The following CASKIN1 variants were observed in gnomAD, a reference collection of about 807,000 sequenced individuals.
The protein encoded by CASKIN1 is caskin-1.
Under a neutral mutation model 117.5 loss-of-function variants are expected in CASKIN1, and 42 were observed. The ratio of observed to expected loss-of-function variants is 0.36; its 90% CI spans 0.28 to 0.46. The LOEUF (loss-of-function observed/expected upper bound fraction) is 0.46, where lower values mean the gene tolerates loss of function less well. Among genes scored for constraint, CASKIN1 ranks in the 20% least tolerant of loss-of-function variants. CASKIN1 has a pLI of 1.00. For missense variants in CASKIN1, 2,083 were observed against 2,077.3 expected (o/e 1.00, Z -0.05); for synonymous variants, 1,148 against 961.7 (o/e 1.19, Z -3.59).
At chr16:2,194,753 A>C (rs559304440) in intron 1 of CASKIN1, among the ~76,000 whole-genome samples, 19 of 152,148 alleles carry the variant, frequency 1.2e-4, no homozygotes, top group African/African-American at 4.6e-4. Flanking sequence ...ACAGGCAGAG[A>C]CCCAGGTGAG....
chr16:2,180,116 C>G lies in CASKIN1; in HGVS notation c.3252G>C (p.Ser1084=). The stretch of plus-strand genomic sequence containing the variant: ...CCTCCACAAAGGGGCCTGGGTCTGC[C>G]GACTCCCCAGGCCCCCGGCGGGCAG... The part of the protein sequence containing the change: ...LATARRGPGE[S]ADPGPFVEDG... Residue 1084 remains serine, a synonymous_variant, in exon 18 of 20, where the codon TCG becomes TCC. Coordinates refer to ENST00000343516, the MANE Select transcript of CASKIN1 (RefSeq NM_020764.4). 1 of 1,553,236 alleles carries G rather than the reference C, an allele frequency of 6.4e-7. No homozygotes were observed.
intron 1 of CASKIN1, among the ~76,000 whole-genome samples, chr16:2,195,982 C>A (rs1267712302): frequency 6.7e-6 from 1 of 150,094 alleles, no homozygotes; most frequent in Non-Finnish European, 1.5e-5. Context: ...GTGGGGGGGG[C>A]ATCCGCCTCG....
At chr16:2,194,534 G>A (rs564850853) in intron 1 of CASKIN1, among the ~76,000 whole-genome samples, 1 of 152,276 alleles carries the variant, frequency 6.6e-6, no homozygotes, top group East Asian at 1.9e-4. Context: ...GGAGGATACT[G>A]CTGGACACCC....
chr16:2,178,366 G>A lies in CASKIN1; in HGVS notation c.*184C>T, dbSNP rs553465573. 4.1e-5 allele frequency: 19 copies of A among 465,948 alleles called. No homozygotes were observed. Among genetic ancestry groups the A allele is most frequent in the African/African-American group, 6.3e-5 (3 of 47,264 alleles). 28.9% of individuals were successfully genotyped at this position (465,948 alleles called of 1,614,324 possible). On this transcript the variant is annotated 3_prime_UTR_variant, in exon 20 of 20. Coordinates refer to ENST00000343516, the MANE Select transcript of CASKIN1 (RefSeq NM_020764.4). ...CCCGCGGGCGCAGGGTCTGCCTAGA[G>A]CCCTTGGAGCCCCCGGCCAGGCGGT...
chr16:2,181,069 G>T lies in CASKIN1; in HGVS notation c.2299C>A (p.Leu767Ile). ...GTGAAGTGGCTAGTGCCTGGTGGGA[G>T]GACCTGCCGTGGCTTGCCAGGCACG... is the stretch of plus-strand genomic sequence containing the variant. ...PPVPGKPRQVLPPGTSHFTPP... is the reference protein window; with the variant it reads ...PPVPGKPRQVIPPGTSHFTPP... Residue 767 changes from leucine (L) to isoleucine (I), a missense_variant, in exon 18 of 20, where the codon CTC (leucine) becomes ATC (isoleucine). By Grantham distance (5) the Leu-to-Ile change is conservative (BLOSUM62 2). This residue lies in a region of CASKIN1 where 1,818 missense variants were observed against 1,688.9 expected (regional missense o/e 1.08). Transcript: ENST00000343516. 6.7e-7 allele frequency: 1 copy of T among 1,489,084 alleles called. No individual in the cohort carries two copies. 92.2% of individuals were successfully genotyped at this position (1,489,084 alleles called of 1,614,324 possible).
At chr16:2,183,087 G>A (rs1269930031) in intron 16 of CASKIN1, among the ~76,000 whole-genome samples, 1 of 152,204 alleles carries the variant, frequency 6.6e-6, no homozygotes, top group Non-Finnish European at 1.5e-5. Context: ...GCGCCCGGCC[G>A]CACCTCCGTG....
rs779943467 is a variant in CASKIN1 at position 2,180,050 on chromosome 16, G to A, written c.3318C>T (p.Gly1106=). 4.4e-6 allele frequency: 7 copies of A among 1,588,350 alleles called. No individual in the cohort carries two copies. Among genetic ancestry groups the A allele is most frequent in the African/African-American group, 2.7e-5 (2 of 74,238 alleles). The change falls in exon 18 of 20, where the codon GGC becomes GGT. Residue 1106 remains glycine (G), a synonymous_variant. Transcript: ENST00000343516. The part of the protein sequence containing the change: ...GRQRPRGPSK[G]EAGVEGPPLA... Reference sequence around the variant, plus strand: ...AGGGCGGGCCTTCGACACCCGCCTCGCCCTTGGAGGGACCCCGAGGCCGCT... The same window carrying A: ...AGGGCGGGCCTTCGACACCCGCCTCACCCTTGGAGGGACCCCGAGGCCGCT...
chr16:2,190,250 G>A (rs2093197749), intron 2 of CASKIN1, 57 bp downstream of exon 2: 2 of 1,584,918 alleles, frequency 1.3e-6, no homozygotes, highest in Non-Finnish European at 1.7e-6. Flanking sequence ...CCGGCACCTA[G>A]GCCTCTCTAG....
Position 2,178,423 on chromosome 16 carries a change from G to C in CASKIN1, c.*127C>G, listed in dbSNP as rs542303579. On this transcript the variant is annotated 3_prime_UTR_variant, in exon 20 of 20. Transcript: ENST00000343516. Reference sequence around the variant, plus strand: ...TGGGCGCCCCGGCCCGGGTCCAGGGGCCGGAGTTGTGCTTCTGCAGGGCCC... The same window carrying C: ...TGGGCGCCCCGGCCCGGGTCCAGGGCCCGGAGTTGTGCTTCTGCAGGGCCC... The C allele has an allele frequency of 4.6e-6, 3 of 650,750 alleles. No homozygotes were observed. The highest frequency in any genetic ancestry group is 7.1e-6 in the Non-Finnish European group (3 of 425,328). 40.3% of individuals were successfully genotyped at this position (650,750 alleles called of 1,614,324 possible).
At position 2,179,729 on chromosome 16, in the gene CASKIN1, CG is replaced by C; in HGVS notation, c.3638del (p.Pro1213ArgfsTer20). The C allele has an allele frequency of 1.4e-6, 2 of 1,409,202 alleles. No individual in the cohort carries two copies. Among genetic ancestry groups the C allele is most frequent in the African/African-American group, 1.5e-5 (1 of 67,498 alleles). 87.3% of individuals were successfully genotyped at this position (1,409,202 alleles called of 1,614,324 possible). A position where few individuals can be genotyped will look rare whatever the true frequency, so the allele number is the denominator to read the frequency against. On this transcript the variant is annotated frameshift_variant, in exon 18 of 20. Coordinates refer to ENST00000343516, the MANE Select transcript of CASKIN1 (RefSeq NM_020764.4). LOFTEE classifies it high-confidence loss of function. This position sits in a 1 kb window ranked among gnomAD's most constrained non-coding sequence, Gnocchi z 5.8. ...CCGGCTTCCGGGCTTCGCCCTCGGGCGGGGGCAATGGGGGTAGGTGCGCCAG... is the reference window on the plus strand; with the variant it reads ...CCGGCTTCCGGGCTTCGCCCTCGGGCGGGGCAATGGGGGTAGGTGCGCCAG... Reference protein sequence around the residue: ...TDLAHLPPLPPPEGEARKPAK... With the variant: ...TDLAHLPPLPXPEGEARKPAK...
At chr16:2,191,483 G>T (rs26831) in intron 1 of CASKIN1, among the ~76,000 whole-genome samples, 2 of 152,166 alleles carry the variant, frequency 1.3e-5, no homozygotes, top group Admixed American at 1.3e-4. Context: ...GCTGGAGCCG[G>T]GGGTGCTAAC....
rs796867728 is a variant in CASKIN1, at chr16:2,177,283, G to C, written c.*1267C>G. ...TGTGCCGCCCTCTGAGGAGAGGCCT[G>C]GGGGGACAGCTGGGCACGTCCACTC... On this transcript the variant is annotated 3_prime_UTR_variant, in exon 20 of 20. Coordinates refer to ENST00000343516, the MANE Select transcript of CASKIN1 (RefSeq NM_020764.4). 4.2e-6 allele frequency: 1 copy of C among 236,922 alleles called. No individual in the cohort carries two copies. Among genetic ancestry groups the C allele is most frequent in the Admixed American group, 5.3e-5 (1 of 18,892 alleles). The allele number at this position is 236,922 out of a possible 1,614,324, so 14.7% of individuals were successfully genotyped here.
chr16:2,181,442 G>C lies in CASKIN1; in HGVS notation c.1926C>G (p.Ala642=). Residue 642 remains alanine (A), a synonymous_variant, in exon 18 of 20, where the codon GCC becomes GCG. Transcript: ENST00000343516. ...ESPPPPEPTP[A]DCQSPKMTTF... ...TGGTCATTTTAGGGGACTGGCAGTC[G>C]GCCGGTGTGGGCTCAGGCGGGGGCG... The C allele has an allele frequency of 6.2e-7, 1 of 1,612,178 alleles. No individual in the cohort carries two copies. The highest frequency in any genetic ancestry group is 8.5e-7 in the Non-Finnish European group (1 of 1,179,828).
intron 1 of CASKIN1, among the ~76,000 whole-genome samples, chr16:2,195,725 G>A (rs1272914805): frequency 6.6e-6 from 1 of 152,200 alleles, no homozygotes; most frequent in African/African-American, 2.4e-5. Context: ...CTTGCGCCCA[G>A]GCCGGCCCTG....
chr16:2,193,621 C>T (rs1000183439), intron 1 of CASKIN1, among the ~76,000 whole-genome samples: 3 of 152,254 alleles, frequency 2.0e-5, no homozygotes, highest in Non-Finnish European at 2.9e-5. Context: ...CCAGCCACAC[C>T]TTCAGGGGCT....
intron 1 of CASKIN1, among the ~76,000 whole-genome samples, chr16:2,190,722 A>T (rs2093199267): frequency 6.6e-6 from 1 of 152,122 alleles, no homozygotes; most frequent in African/African-American, 2.4e-5. Context: ...GCACCTGCCA[A>T]TGGTGGGAGG....
chr16:2,180,325 C>T lies in CASKIN1; in HGVS notation c.3043G>A (p.Gly1015Ser). ...AAMLELSSIGGGGRAARRPPE... is the reference protein window; with the variant it reads ...AAMLELSSIGSGGRAARRPPE... ...GGCCTGCGGGCAGCCCGGCCCCCAC[C>T]CCCAATGGAGGACAGCTCCAGCATG... is the stretch of plus-strand genomic sequence containing the variant. The change falls in exon 18 of 20, where the codon GGT becomes AGT. Residue 1015 changes from glycine (G) to serine (S), a missense_variant. Physicochemically the swap from Gly to Ser is moderately conservative, Grantham distance 56. This residue lies in a region of CASKIN1 where 1,818 missense variants were observed against 1,688.9 expected (regional missense o/e 1.08). Transcript: ENST00000343516. 6.3e-7 allele frequency: 1 copy of T among 1,597,428 alleles called. No individual in the cohort carries two copies. The highest frequency in any genetic ancestry group is 1.7e-5 in the Admixed American group (1 of 59,500).
At chr16:2,186,905 G>C in intron 9 of CASKIN1, 73 bp downstream of exon 9, 2 of 1,602,190 alleles carry the variant, frequency 1.2e-6, no homozygotes, top group Non-Finnish European at 8.5e-7. Context: ...GTTGCGGCGG[G>C]AGGGTGTTCT....
In CASKIN1 at chr16:2,185,161, C is replaced by T. The variant is rs199943254; in HGVS notation, c.1189G>A (p.Gly397Ser). The change falls in exon 12 of 20, where the codon GGC becomes AGC. Residue 397 changes from glycine to serine, a missense_variant. Physicochemically the swap from Gly to Ser is moderately conservative, Grantham distance 56 (BLOSUM62 0). Around this residue, in one of 3 missense-constraint regions of CASKIN1, gnomAD observed 1,818 missense variants for 1,688.9 expected, o/e 1.08. Coordinates refer to ENST00000343516, the MANE Select transcript of CASKIN1 (RefSeq NM_020764.4). Reference sequence around the variant, plus strand: ...AGGGCGTGACCCCCGCTGCCCCGGCCGCCAGCCATGCCGCTAATGCTGCCG... The same window carrying T: ...AGGGCGTGACCCCCGCTGCCCCGGCTGCCAGCCATGCCGCTAATGCTGCCG... ...RSGSISGMAG[G>S]RGSGGHALHA... is the part of the protein sequence containing the mutation. 2.8e-4 allele frequency: 445 copies of T among 1,609,154 alleles called. 4 individuals carry two copies. The highest frequency in any genetic ancestry group is 3.5e-4 in the Non-Finnish European group (414 of 1,179,542).
Sources: gnomAD v4.1 joint callset for allele counts (sites outside exome capture counted in the v4.1 genomes callset) on GRCh38, gnomAD v4.1.1 for gene constraint, gnomAD v4.1.1 regional missense constraint, Gnocchi (gnomAD v3.1) non-coding constraint, MANE v1.5 for transcripts, NCBI Gene and HGNC (gene_info 2026-07-23, HGNC 2026-07-21) for gene names.